LAMC2: variants seen among roughly 807,000 people sequenced by gnomAD.
The protein encoded by LAMC2 is laminin subunit gamma 2, also known as laminin subunit gamma-2.
Under a neutral mutation model 140.2 loss-of-function variants are expected in LAMC2, and 97 were observed. That is an observed-to-expected ratio of 0.69 (90% CI 0.59 to 0.82). The LOEUF is 0.82. Among genes scored for constraint, LAMC2 ranks in the 40% least tolerant of loss-of-function variants. LAMC2 has a pLI of 0.00. For synonymous variants in LAMC2, 513 were observed against 540.2 expected (o/e 0.95, Z 0.70); for missense variants, 1,402 against 1,476.1 (o/e 0.95, Z 0.82).
chr1:183,193,466 G>A (rs2102168253), intron 1 of LAMC2, among the ~76,000 whole-genome samples: 1 of 152,052 alleles, frequency 6.6e-6, no homozygotes, highest in African/African-American at 2.4e-5. Context: ...CTTTCAGAAA[G>A]AGGTCTGTTT....
chr1:183,253,352 T>G, the LAMC2 span, among the ~76,000 whole-genome samples: 1 of 149,048 alleles, frequency 6.7e-6, no homozygotes, highest in East Asian at 1.9e-4. Flanking sequence ...ATTTATATAA[T>G]ATAGTTTAAT....
intron 1 of LAMC2, among the ~76,000 whole-genome samples, chr1:183,194,739 C>T (rs2102170946): frequency 6.6e-6 from 1 of 152,258 alleles, no homozygotes; most frequent in East Asian, 1.9e-4. Context: ...TCAACTGCTT[C>T]TTAGAGGGGC....
At chr1:183,240,492 T>G in intron 22 of LAMC2, 101 bp downstream of exon 22, 1 of 1,525,908 alleles carries the variant, frequency 6.6e-7, no homozygotes. Flanking sequence ...GTCTCAGCTT[T>G]CCTTAAGGAT....
intron 3 of LAMC2, among the ~76,000 whole-genome samples, chr1:183,218,065 A>G (rs1659332764): frequency 6.6e-6 from 1 of 152,250 alleles, no homozygotes; most frequent in African/African-American, 2.4e-5. Flanking sequence ...ATGTAAACTG[A>G]GCCAAACAGT....
intron 1 of LAMC2, among the ~76,000 whole-genome samples, chr1:183,198,229 C>T (rs1658586828): frequency 6.6e-6 from 1 of 151,110 alleles, no homozygotes; most frequent in African/African-American, 2.4e-5. Context: ...GCAACCTCCA[C>T]CTCCTGCGTT....
chr1:183,213,569 A>G (rs1366763990), intron 2 of LAMC2, among the ~76,000 whole-genome samples: 1 of 152,120 alleles, frequency 6.6e-6, no homozygotes, highest in Non-Finnish European at 1.5e-5. Context: ...TGGGAGGCTG[A>G]GGCTGGTGGA....
At chr1:183,207,839 T>G (rs1658939038) in intron 1 of LAMC2, 42 bp from the exon 2 acceptor site, 3 of 1,514,112 alleles carry the variant, frequency 2.0e-6, no homozygotes, top group Non-Finnish European at 2.7e-6. Context: ...TGAGGTGTTT[T>G]TTTTTTTTTT....
intron 7 of LAMC2, among the ~76,000 whole-genome samples, chr1:183,224,097 G>A (rs1252502288): frequency 6.6e-6 from 1 of 152,096 alleles, no homozygotes; most frequent in African/African-American, 2.4e-5. Context: ...CATGTTCATG[G>A]GGTCTTGGAA....
chr1:183,205,933 A>C (rs773374060), intron 1 of LAMC2, among the ~76,000 whole-genome samples: 1 of 152,150 alleles, frequency 6.6e-6, no homozygotes, highest in Non-Finnish European at 1.5e-5. Context: ...TTAAAACACC[A>C]TATAAAAATG....
downstream of LAMC2, chr1:183,248,876 T>C (rs1227123532): frequency 1.3e-5 from 2 of 150,784 alleles, no homozygotes; most frequent in African/African-American, 4.9e-5. Flanking sequence ...CTTCTCTCTC[T>C]TAGTCCCCTA....
chr1:183,246,786 T>G (rs1035034618), downstream of LAMC2, among the ~76,000 whole-genome samples: 2 of 152,224 alleles, frequency 1.3e-5, no homozygotes, highest in African/African-American at 4.8e-5. Context: ...GTAATGGGAA[T>G]GTTATGGATT....
chr1:183,207,373 G>C (rs909054197), intron 1 of LAMC2, among the ~76,000 whole-genome samples: 9 of 139,648 alleles, frequency 6.4e-5, no homozygotes, highest in African/African-American at 2.0e-4. Context: ...GTGCCCAGAC[G>C]GTCACGTCCA....
intron 17 of LAMC2, among the ~76,000 whole-genome samples, chr1:183,237,020 G>A (rs892332176): frequency 4.6e-5 from 7 of 151,852 alleles, no homozygotes; most frequent in Non-Finnish European, 8.8e-5. Flanking sequence ...AAACTTATTC[G>A]ATTAAGAAGA....
At chr1:183,210,440 G>T (rs1659035959) in intron 2 of LAMC2, among the ~76,000 whole-genome samples, 1 of 152,186 alleles carries the variant, frequency 6.6e-6, no homozygotes, top group African/African-American at 2.4e-5. Context: ...ATTGTGAATT[G>T]ATGTAGTTGT....
At chr1:183,213,038 A>G (rs766436437) in intron 2 of LAMC2, among the ~76,000 whole-genome samples, 10 of 152,226 alleles carry the variant, frequency 6.6e-5, no homozygotes, top group Admixed American at 1.3e-4. Context: ...TCTCCAAGCC[A>G]TCCTGCAGAC....
intron 19 of LAMC2, 71 bp from the exon 20 acceptor site, chr1:183,239,293 C>T (rs1660055863): frequency 1.5e-6 from 2 of 1,352,074 alleles, no homozygotes; most frequent in Non-Finnish European, 2.1e-6. Flanking sequence ...TTCTTTACAA[C>T]ATCAGCCCCT....
chr1:183,209,307 C>A (rs1199625806), intron 2 of LAMC2, among the ~76,000 whole-genome samples: 1 of 152,140 alleles, frequency 6.6e-6, no homozygotes. Flanking sequence ...GTCTGTGGAA[C>A]CAACTGATAG....
downstream of LAMC2, chr1:183,248,896 G>C (rs1660298432): frequency 8.0e-6 from 1 of 124,294 alleles, no homozygotes; most frequent in South Asian, 2.4e-4. Context: ...AAAAGAGTGT[G>C]TGTGTGTGTG....
chr1:183,215,458 CT>C lies in LAMC2; in HGVS notation c.276del (p.Ser93ValfsTer16). ...CCCTACCTTGTGGGTTTCAGGTTCT[CT>C]TAGTGCTCGATGTGACAACTCCGGA... Reference protein sequence around the residue: ...LPCNCNSKGSLSARCDNSGRC... With the variant: ...LPCNCNSKGSXSARCDNSGRC... On this transcript the variant is annotated frameshift_variant, in exon 3 of 23. Transcript: ENST00000264144. LOFTEE classifies it high-confidence loss of function. 6.2e-7 allele frequency: 1 copy of C among 1,614,048 alleles called. No individual in the cohort carries two copies. Among genetic ancestry groups the C allele is most frequent in the Non-Finnish European group, 8.5e-7 (1 of 1,180,014 alleles).
Sources: gnomAD v4.1 joint callset for allele counts (sites outside exome capture counted in the v4.1 genomes callset) on GRCh38, gnomAD v4.1.1 for gene constraint, MANE v1.5 for transcripts, NCBI Gene and HGNC (gene_info 2026-07-23, HGNC 2026-07-21) for gene names.